The following DNAAF1 variants were observed in gnomAD, a reference collection of about 807,000 sequenced individuals.
The protein encoded by DNAAF1 is dynein assembly factor 1, axonemal.
In DNAAF1, 65 loss-of-function variants were observed where a neutral mutation model predicts 71.1. The observed-to-expected ratio is 0.91, with a 90% CI of 0.75 to 1.12. The LOEUF (loss-of-function observed/expected upper bound fraction) is 1.12. Among genes scored for constraint, DNAAF1 ranks in the 50% most tolerant of loss-of-function variants. The pLI is 0.00. For missense variants in DNAAF1, 1,178 were observed against 899.8 expected, an observed-to-expected ratio of 1.31 and a Z score of -3.96; for synonymous variants, 414 against 354.6, an observed-to-expected ratio of 1.17 and a Z score of -1.88.
At chr16:84,155,819 C>T in intron 5 of DNAAF1, 70 bp downstream of exon 5, 1 of 1,570,910 alleles carries the variant, frequency 6.4e-7, no homozygotes, top group South Asian at 1.1e-5. Context: ...CATCAAATAT[C>T]AAGTCCTTTT....
At position 84,177,715 on chromosome 16, in the gene DNAAF1, C is replaced by T; in HGVS notation, c.2066-14C>T. On this transcript the variant is annotated splice_polypyrimidine_tract_variant and intron_variant, in intron 11 of 11. Transcript: ENST00000378553. ...GTGACAGGGAGAAAGCACAGGTCACCCTTCCTTCCACAGTGCCGACTGAGA... is the reference window on the plus strand; with the variant it reads ...GTGACAGGGAGAAAGCACAGGTCACTCTTCCTTCCACAGTGCCGACTGAGA... 1 of 1,609,616 alleles carries T rather than the reference C, an allele frequency of 6.2e-7. No homozygotes were observed. Among genetic ancestry groups the T allele is most frequent in the Admixed American group, 1.7e-5 (1 of 60,008 alleles).
chr16:84,159,024 C>G, intron 5 of DNAAF1: 1 of 987,036 alleles, frequency 1.0e-6, no homozygotes, highest in Non-Finnish European at 1.2e-6. Flanking sequence ...AGCCACCATG[C>G]CCAGCCCCAC....
intron 8 of DNAAF1, among the ~76,000 whole-genome samples, chr16:84,170,658 C>G (rs2088283211): frequency 6.8e-6 from 1 of 147,962 alleles, no homozygotes; most frequent in Non-Finnish European, 1.5e-5. Flanking sequence ...ATACAGAGAC[C>G]TCATCCCTAC....
chr16:84,159,477 A>G (rs2087600030), intron 5 of DNAAF1, among the ~76,000 whole-genome samples, 198 bp from the exon 6 acceptor site: 1 of 152,242 alleles, frequency 6.6e-6, no homozygotes, highest in Non-Finnish European at 1.5e-5. Context: ...GGGCTGCTGA[A>G]TGATCTAGAC....
intron 10 of DNAAF1, 41 bp downstream of exon 10, chr16:84,174,763 T>G: frequency 1.9e-6 from 3 of 1,613,640 alleles, no homozygotes; most frequent in Non-Finnish European, 2.5e-6. Context: ...GGCAGCTTAA[T>G]TCCACCTTCG....
intron 6 of DNAAF1, among the ~76,000 whole-genome samples, chr16:84,162,858 C>T (rs2151243904): frequency 6.6e-6 from 1 of 151,944 alleles, no homozygotes; most frequent in Non-Finnish European, 1.5e-5. Flanking sequence ...CATTAGCAGC[C>T]AACCCCCTAT....
chr16:84,146,098 A>C (rs2086890875), intron 1 of DNAAF1, among the ~76,000 whole-genome samples: 1 of 137,300 alleles, frequency 7.3e-6, no homozygotes, highest in Non-Finnish European at 1.6e-5. Context: ...CTCCGTCTCA[A>C]ACAAACAAAC....
chr16:84,177,519 G>C, intron 11 of DNAAF1: 1 of 516,818 alleles, frequency 1.9e-6, no homozygotes, highest in Non-Finnish European at 3.6e-6. Context: ...AGTAGAGATG[G>C]GGTTTCACCA....
At chr16:84,154,392 A>T (rs1438490979) in intron 3 of DNAAF1, among the ~76,000 whole-genome samples, 185 bp from the exon 4 acceptor site, 1 of 152,124 alleles carries the variant, frequency 6.6e-6, no homozygotes, top group Non-Finnish European at 1.5e-5. Flanking sequence ...TTCTTCTCTC[A>T]TGACCTTATC....
rs538389058 is a variant in DNAAF1 at position 84,169,861 on chromosome 16, G to C, written c.1033G>C (p.Glu345Gln). Residue 345 changes from glutamate (E) to glutamine (Q), a missense_variant and splice_region_variant, in exon 8 of 12, where the codon GAG becomes CAG. By Grantham distance (29) the Glu-to-Gln change is conservative. Coordinates refer to ENST00000378553, the MANE Select transcript of DNAAF1 (RefSeq NM_178452.6). ...KRQRESQERGEMTSSDDGENV... is the reference protein window; with the variant it reads ...KRQRESQERGQMTSSDDGENV... ...ACCTTTGCATTTTCTGCCATTAGGG[G>C]AGATGACATCTTCAGATGATGGTGA... is the stretch of plus-strand genomic sequence containing the variant. The C allele has an allele frequency of 3.8e-5, 62 of 1,613,704 alleles. No individual in the cohort carries two copies. The African/African-American group carries it at 7.5e-4, about 19-fold the overall frequency.
Position 84,170,210 on chromosome 16 carries a change from A to T in DNAAF1, c.1382A>T (p.Asp461Val). The change falls in exon 8 of 12, where the codon GAT (aspartate) becomes GTT (valine). Residue 461 changes from aspartate to valine, a missense_variant. By Grantham distance (152) the Asp-to-Val change is radical. Transcript: ENST00000378553. ...GTGGAGGTTAAAGGAGAGGATGGAG[A>T]TCAAGAGCCAGAGGGGACCCTCCCA... ...PPVEVKGEDG[D>V]QEPEGTLPAE... The T allele has an allele frequency of 1.3e-6, 2 of 1,595,550 alleles. No individual in the cohort carries two copies. Among genetic ancestry groups the T allele is most frequent in the South Asian group, 2.2e-5 (2 of 90,342 alleles).
chr16:84,152,038 G>A (rs2087209905), intron 3 of DNAAF1, among the ~76,000 whole-genome samples: 1 of 152,244 alleles, frequency 6.6e-6, no homozygotes, highest in South Asian at 2.1e-4. Context: ...GCCTGAGGAG[G>A]AAGCTGGGAA....
intron 6 of DNAAF1, among the ~76,000 whole-genome samples, chr16:84,160,797 T>C (rs1404062937): frequency 1.3e-5 from 2 of 150,170 alleles, no homozygotes; most frequent in African/African-American, 5.0e-5. Flanking sequence ...TAGCCGGGCG[T>C]GGTGGTGGGC....
At chr16:84,176,379 A>G (rs1369904866) in intron 11 of DNAAF1, 80 bp downstream of exon 11, 30 of 1,598,794 alleles carry the variant, frequency 1.9e-5, no homozygotes. Context: ...GCAGTCACTC[A>G]GCCTTACCCT....
intron 11 of DNAAF1, 121 bp downstream of exon 11, chr16:84,176,420 G>A (rs922926824): frequency 1.4e-6 from 2 of 1,437,798 alleles, no homozygotes; most frequent in Admixed American, 1.8e-5. Flanking sequence ...GGGTCACCCA[G>A]GACAGACCAC....
In DNAAF1 at chr16:84,159,663, G is replaced by C. The variant is rs780223202; in HGVS notation, c.742-12G>C. 6.2e-7 allele frequency: 1 copy of C among 1,606,762 alleles called. No homozygotes were observed. The highest frequency in any genetic ancestry group is 1.7e-5 in the Admixed American group (1 of 59,050). On this transcript the variant is annotated splice_polypyrimidine_tract_variant and intron_variant, in intron 5 of 11. Transcript: ENST00000378553. The stretch of plus-strand genomic sequence containing the variant: ...TTCAGTAATCATTTTGGTTCTGCTT[G>C]TCTTCTTGCAGCGTGTACTGAATTT...
intron 1 of DNAAF1, among the ~76,000 whole-genome samples, chr16:84,146,570 A>G (rs1282872380): frequency 6.6e-6 from 1 of 152,110 alleles, no homozygotes; most frequent in Admixed American, 6.5e-5. Context: ...CACAAAAATT[A>G]GCAGGGCGTG....
At chr16:84,152,416 G>T (rs540137396) in intron 3 of DNAAF1, among the ~76,000 whole-genome samples, 1 of 152,178 alleles carries the variant, frequency 6.6e-6, no homozygotes, top group African/African-American at 2.4e-5. Flanking sequence ...AATGTGGGAG[G>T]CCAAGGCAGG....
At chr16:84,171,752 A>T (rs182097230) in intron 8 of DNAAF1, among the ~76,000 whole-genome samples, 194 of 151,934 alleles carry the variant, frequency 1.3e-3, no homozygotes, top group African/African-American at 4.6e-3. Context: ...TCTTCATCTC[A>T]TGGGATTCGC....
Sources: gnomAD v4.1 joint callset for allele counts (sites outside exome capture counted in the v4.1 genomes callset) on GRCh38, gnomAD v4.1.1 for gene constraint, MANE v1.5 for transcripts, NCBI Gene and HGNC (gene_info 2026-07-23, HGNC 2026-07-21) for gene names.